Variants in UGT3A1 observed in about 807,000 individuals in gnomAD.
UGT3A1 encodes the protein UDP glycosyltransferase family 3 member A1.
A neutral mutation model predicts 37.6 loss-of-function variants in UGT3A1; 40 were observed. The observed-to-expected ratio is 1.06, with a 90% CI of 0.83 to 1.38. UGT3A1 has a LOEUF of 1.38. Ranked by LOEUF, UGT3A1 falls within the 40% of genes most tolerant of loss-of-function variation. The probability of loss-of-function intolerance (pLI) is 0.00; values close to 1 mark genes in which losing one functional copy is unlikely to be tolerated. For synonymous variants in UGT3A1, 256 were observed against 232.3 expected, an observed-to-expected ratio of 1.10 and a Z score of -0.93; for missense variants, 642 against 634.2, an observed-to-expected ratio of 1.01 and a Z score of -0.13.
upstream of UGT3A1, among the ~76,000 whole-genome samples, chr5:35,994,333 TTGTGTGTG>T (rs35026618): frequency 0.011 from 1,542 of 138,626 alleles, 15 homozygotes; most frequent in Non-Finnish European, 0.013. Context: ...TTTGTTTTGT[TTGTGTGTG>T]TGTGTGTGTG....
intron 2 of UGT3A1, among the ~76,000 whole-genome samples, chr5:35,970,086 C>A (rs1214976137): frequency 1.3e-5 from 2 of 152,100 alleles, no homozygotes; most frequent in Non-Finnish European, 2.9e-5. Context: ...GGGAAACTCT[C>A]TCTTATAAAA....
intron 5 of UGT3A1, 31 bp from the exon 6 acceptor site, chr5:35,955,895 T>C: frequency 1.2e-6 from 2 of 1,600,716 alleles, no homozygotes; most frequent in Non-Finnish European, 1.7e-6. Flanking sequence ...AGTGGAACAC[T>C]TCAGGATGAA....
At chr5:35,982,984 G>C (rs1740588438) in intron 2 of UGT3A1, among the ~76,000 whole-genome samples, 1 of 152,152 alleles carries the variant, frequency 6.6e-6, no homozygotes, top group Admixed American at 6.5e-5. Flanking sequence ...ACCCTGGTAA[G>C]ATGTGCTTGC....
At chr5:35,977,304 T>C (rs191125679) in intron 2 of UGT3A1, among the ~76,000 whole-genome samples, 2 of 152,188 alleles carry the variant, frequency 1.3e-5, no homozygotes, top group East Asian at 3.9e-4. Flanking sequence ...TAGCAAGCAA[T>C]AAAAATAAAT....
intron 5 of UGT3A1, 102 bp from the exon 6 acceptor site, chr5:35,955,966 T>G: frequency 8.4e-7 from 1 of 1,197,302 alleles, no homozygotes; most frequent in South Asian, 1.4e-5. Context: ...AATCAAGGTC[T>G]GTTGAGAAAA....
At chr5:35,993,450 G>A (rs560546315), upstream of UGT3A1, among the ~76,000 whole-genome samples, 30 of 147,466 alleles carry the variant, frequency 2.0e-4, no homozygotes, top group East Asian at 5.9e-3. Flanking sequence ...GTGACAGAGC[G>A]AGACTCCGTC....
upstream of UGT3A1, among the ~76,000 whole-genome samples, chr5:35,995,132 C>A (rs1444680829): frequency 6.6e-6 from 1 of 152,156 alleles, no homozygotes; most frequent in African/African-American, 2.4e-5. Context: ...TCTTTTATCT[C>A]TCTTAAAGAG....
Position 35,975,154 on chromosome 5 carries a change from C to G in UGT3A1, c.197-7021G>C, listed in dbSNP as rs181508758. Reference sequence around the variant, plus strand: ...CAGCCAGGTTCCTTCCTCAGCCAACCCTGTCATTTGCCTAATGGTTTCATA... The same window carrying G: ...CAGCCAGGTTCCTTCCTCAGCCAACGCTGTCATTTGCCTAATGGTTTCATA... On this transcript the variant is annotated intron_variant, in intron 2 of 6. Transcript: ENST00000274278. Among the ~76,000 whole-genome samples, 25 of 152,276 alleles carry G rather than the reference C, an allele frequency of 1.6e-4. No homozygotes were observed. The East Asian group carries it at 4.6e-3, about 28-fold the overall frequency.
At chr5:35,981,318 A>T (rs755818928) in intron 2 of UGT3A1, among the ~76,000 whole-genome samples, 3 of 152,224 alleles carry the variant, frequency 2.0e-5, no homozygotes, top group Non-Finnish European at 4.4e-5. Context: ...TGAGAATGAG[A>T]CAGTTCCAAG....
At chr5:35,968,748 C>G (rs567423682) in intron 2 of UGT3A1, among the ~76,000 whole-genome samples, 1 of 152,254 alleles carries the variant, frequency 6.6e-6, no homozygotes, top group Non-Finnish European at 1.5e-5. Context: ...TCCTACTTCA[C>G]TTTCTATGCC....
chr5:35,971,958 G>T (rs1200254932), intron 2 of UGT3A1, among the ~76,000 whole-genome samples: 1 of 152,120 alleles, frequency 6.6e-6, no homozygotes, highest in Non-Finnish European at 1.5e-5. Context: ...GAGGTTTCCT[G>T]CTGCGGGAGG....
rs1241868999 is a variant in UGT3A1, at chr5:35,965,467, G to A, written c.762C>T (p.Ala254=). The change falls in exon 4 of 7, where the codon GCC becomes GCT. Residue 254 remains alanine (A), a synonymous_variant. Coordinates refer to ENST00000274278, the MANE Select transcript of UGT3A1 (RefSeq NM_152404.4). The stretch of plus-strand genomic sequence containing the variant: ...GAAGCAGGGGCCGGGCAAAATCAAA[G>A]GCAAAATCAGAGTTAACAAACCACA... The part of the protein sequence containing the change: ...AELWFVNSDF[A]FDFARPLLPN... The A allele has an allele frequency of 6.2e-7, 1 of 1,614,044 alleles. No homozygotes were observed. The highest frequency in any genetic ancestry group is 8.5e-7 in the Non-Finnish European group (1 of 1,180,028).
Position 35,955,727 on chromosome 5 carries a change from T to G in UGT3A1, c.1213A>C (p.Asn405His), listed in dbSNP as rs148008807. ...TTCAACCGGATAGAGACACCATAAT[T>G]TTTGGCTACTACTCGGACCATGTTT... The part of the protein sequence containing the change: ...HGNMVRVVAK[N>H]YGVSIRLNQV... Residue 405 changes from asparagine to histidine, a missense_variant, in exon 6 of 7, where the codon AAT becomes CAT. By Grantham distance (68) the Asn-to-His change is moderately conservative (BLOSUM62 1). Coordinates refer to ENST00000274278, the MANE Select transcript of UGT3A1 (RefSeq NM_152404.4). 2.9e-5 allele frequency: 47 copies of G among 1,614,100 alleles called. No individual in the cohort carries two copies. The highest frequency in any genetic ancestry group is 1.8e-4 in the Admixed American group (11 of 60,004).
chr5:35,955,780 C>G lies in UGT3A1; in HGVS notation c.1160G>C (p.Gly387Ala), dbSNP rs974758361. The G allele has an allele frequency of 6.2e-7, 1 of 1,614,188 alleles. No individual in the cohort carries two copies. Among genetic ancestry groups the G allele is most frequent in the Non-Finnish European group, 8.5e-7 (1 of 1,180,042 alleles). Reference protein sequence around the residue: ...EAIRHGVPMVGLPVNGDQHGN... With the variant: ...EAIRHGVPMVALPVNGDQHGN... The stretch of plus-strand genomic sequence containing the variant: ...ATGCTGGTCTCCATTGACTGGTAAT[C>G]CCACCATGGGCACACCATGACGGAT... The change falls in exon 6 of 7, where the codon GGA (glycine) becomes GCA (alanine). Residue 387 changes from glycine to alanine, a missense_variant. Transcript: ENST00000274278.
At chr5:36,000,104 A>C (rs1741186100) in intron 1 of UGT3A1, among the ~76,000 whole-genome samples, 2 of 152,174 alleles carry the variant, frequency 1.3e-5, no homozygotes, top group Non-Finnish European at 2.9e-5. Flanking sequence ...AATAATTAAA[A>C]CATATCTAAG....
intron 6 of UGT3A1, chr5:35,955,064 G>T (rs2149946421): frequency 6.3e-6 from 1 of 159,940 alleles, no homozygotes; most frequent in South Asian, 1.9e-4. Flanking sequence ...TGTGTTGGGG[G>T]CCAGACAATT....
Position 35,953,930 on chromosome 5 carries a change from G to T in UGT3A1, c.*272C>A. On this transcript the variant is annotated 3_prime_UTR_variant, in exon 7 of 7. Coordinates refer to ENST00000274278, the MANE Select transcript of UGT3A1 (RefSeq NM_152404.4). Reference sequence around the variant, plus strand: ...AAACAAGGAGGATGAAGTTGTCAGAGTCCTGTGTCTAGGAAAAGGGAGAAA... The same window carrying T: ...AAACAAGGAGGATGAAGTTGTCAGATTCCTGTGTCTAGGAAAAGGGAGAAA... 2.4e-6 allele frequency: 1 copy of T among 408,668 alleles called. No individual in the cohort carries two copies. Among genetic ancestry groups the T allele is most frequent in the East Asian group, 3.9e-5 (1 of 25,442 alleles). 25.3% of individuals were successfully genotyped at this position (408,668 alleles called of 1,614,324 possible). A position where few individuals can be genotyped will look rare whatever the true frequency, so the allele number is the denominator to read the frequency against.
chr5:35,964,040 T>C (rs1361656095), intron 4 of UGT3A1, among the ~76,000 whole-genome samples: 1 of 152,200 alleles, frequency 6.6e-6, no homozygotes, highest in African/African-American at 2.4e-5. Context: ...TAACGATAGT[T>C]AGTTGCACAA....
intron 2 of UGT3A1, among the ~76,000 whole-genome samples, chr5:35,972,335 A>T (rs893649669): frequency 7.2e-5 from 11 of 152,072 alleles, no homozygotes; most frequent in Non-Finnish European, 1.5e-4. Context: ...TTTTAAAAAC[A>T]AACAAACAAA....
Sources: allele counts gnomAD v4.1 joint callset (sites outside exome capture counted in the v4.1 genomes callset), GRCh38; gene constraint gnomAD v4.1.1; transcripts MANE v1.5; gene names NCBI Gene and HGNC (gene_info 2026-07-23, HGNC 2026-07-21).